The following DCAF1 variants were observed in gnomAD, a reference collection of about 807,000 sequenced individuals.
DCAF1 encodes DDB1- and CUL4-associated factor 1.
DCAF1 carries 15 observed loss-of-function variants against 128.0 expected under a neutral mutation model. That is an observed-to-expected ratio of 0.12 (90% CI 0.08 to 0.18). The LOEUF (loss-of-function observed/expected upper bound fraction) is 0.18. Among genes scored for constraint, DCAF1 ranks in the 10% least tolerant of loss-of-function variants. The probability of loss-of-function intolerance (pLI) is 1.00; values close to 1 mark genes in which losing one functional copy is unlikely to be tolerated. For synonymous variants in DCAF1, 610 were observed against 603.0 expected (o/e 1.01, Z -0.17); for missense variants, 988 against 1,649.5 (o/e 0.60, Z 6.95).
chr3:51,418,350 GC>G (rs1422478023), intron 16 of DCAF1, among the ~76,000 whole-genome samples, 152 bp from the exon 17 acceptor site: 1 of 152,206 alleles, frequency 6.6e-6, no homozygotes, highest in Non-Finnish European at 1.5e-5. Context: ...ATGGTCAGAA[GC>G]CACTAGGATT....
chr3:51,476,236 C>T (rs1274768248), intron 3 of DCAF1, among the ~76,000 whole-genome samples: 4 of 150,208 alleles, frequency 2.7e-5, no homozygotes, highest in African/African-American at 7.4e-5. Flanking sequence ...TAGTAAAATA[C>T]GAAAATTAGC....
chr3:51,434,617 T>A (rs1443171939), intron 9 of DCAF1, among the ~76,000 whole-genome samples: 1 of 152,218 alleles, frequency 6.6e-6, no homozygotes, highest in Non-Finnish European at 1.5e-5. Context: ...CAGTGAGTCA[T>A]CAACTAATGA....
intron 1 of DCAF1, among the ~76,000 whole-genome samples, chr3:51,498,134 G>T (rs1446993732): frequency 6.7e-6 from 1 of 148,594 alleles, no homozygotes; most frequent in East Asian, 2.0e-4. Context: ...GGCCGAGGTG[G>T]GCAGATCACG....
chr3:51,460,452 G>T (rs1283768678), intron 6 of DCAF1, among the ~76,000 whole-genome samples: 9 of 152,144 alleles, frequency 5.9e-5, no homozygotes, highest in African/African-American at 2.2e-4. Context: ...TCATGGGTAG[G>T]AAGAATCAGT....
chr3:51,461,567 T>C (rs1703575988), intron 6 of DCAF1, among the ~76,000 whole-genome samples: 1 of 152,120 alleles, frequency 6.6e-6, no homozygotes, highest in African/African-American at 2.4e-5. Context: ...ACTGGGTATA[T>C]ACCCAAAGGA....
At chr3:51,500,125 A>AGG (rs1708713284), upstream of DCAF1, 2 of 119,348 alleles carry the variant, frequency 1.7e-5, no homozygotes, top group African/African-American at 6.0e-5. Flanking sequence ...GGAAAAAAAA[A>AGG]AAAAAAAAAA....
intron 9 of DCAF1, among the ~76,000 whole-genome samples, chr3:51,436,974 AAG>A (rs1322102008): frequency 2.0e-5 from 3 of 152,228 alleles, no homozygotes; most frequent in Non-Finnish European, 4.4e-5. Context: ...TTTTAAAAAA[AAG>A]AGAGAGACAG....
At chr3:51,401,145 A>G (rs1273404913) in intron 24 of DCAF1, among the ~76,000 whole-genome samples, 1 of 151,796 alleles carries the variant, frequency 6.6e-6, no homozygotes, top group African/African-American at 2.4e-5. Context: ...AAAAAAAAAA[A>G]AAAAAAAAGA....
intron 6 of DCAF1, among the ~76,000 whole-genome samples, chr3:51,447,548 A>G (rs983356351): frequency 6.6e-6 from 1 of 152,236 alleles, no homozygotes; most frequent in African/African-American, 2.4e-5. Context: ...TCCAAACAGT[A>G]TAAGAAACTT....
chr3:51,482,873 ACAC>A (rs1287594397), intron 3 of DCAF1, among the ~76,000 whole-genome samples: 3 of 150,026 alleles, frequency 2.0e-5, no homozygotes, highest in Admixed American at 6.7e-5. Flanking sequence ...ATGGTGGCTC[ACAC>A]CTGTAATCCC....
At position 51,418,184 on chromosome 3, in the gene DCAF1, C is replaced by T. The variant is rs1553631066; in HGVS notation, c.3450G>A (p.Leu1150=). 4 of 1,611,440 alleles carry T rather than the reference C, an allele frequency of 2.5e-6. No homozygotes were observed. Among genetic ancestry groups the T allele is most frequent in the South Asian group, 1.1e-5 (1 of 90,328 alleles). ...GCTGGCTCCAAGTAGCAGATGTCAG[C>T]AGCAAGGACCCATCCTAAAAGAAAA... ...HLEPSRDGSL[L]LTSATWSQPL... Residue 1150 remains leucine, a synonymous_variant, in exon 17 of 25, where the codon CTG becomes CTA. Transcript: ENST00000684031.
Position 51,413,011 on chromosome 3 carries a change from G to C in DCAF1, c.4092C>G (p.Cys1364Trp). Residue 1364 changes from cysteine to tryptophan, a missense_variant, in exon 22 of 25, where the codon TGC becomes TGG. Cys to Trp is a radical substitution (Grantham distance 215). Coordinates refer to ENST00000684031, the MANE Select transcript of DCAF1 (RefSeq NM_001387579.1). ...CCTTTACCTCAATGACAGCAAGATAGCAGTCTTTGGTGTCTGTACACAGGT... is the reference window on the plus strand; with the variant it reads ...CCTTTACCTCAATGACAGCAAGATACCAGTCTTTGGTGTCTGTACACAGGT... ...IFDLCTDTKD[C>W]YLAVIENQGS... 1 of 1,613,952 alleles carries C rather than the reference G, an allele frequency of 6.2e-7. No homozygotes were observed. Among genetic ancestry groups the C allele is most frequent in the East Asian group, 2.2e-5 (1 of 44,880 alleles).
At chr3:51,474,523 C>T (rs1296704794) in intron 3 of DCAF1, among the ~76,000 whole-genome samples, 1 of 152,062 alleles carries the variant, frequency 6.6e-6, no homozygotes, top group South Asian at 2.1e-4. Flanking sequence ...CTTCCTTTCC[C>T]TCTAAACTCT....
chr3:51,435,476 T>G (rs1029349939), intron 9 of DCAF1, among the ~76,000 whole-genome samples: 28 of 152,206 alleles, frequency 1.8e-4, no homozygotes, highest in African/African-American at 6.8e-4. Flanking sequence ...GCAAATTTCC[T>G]CATTTCTATT....
chr3:51,494,185 G>A (rs1707983765), intron 2 of DCAF1, among the ~76,000 whole-genome samples: 1 of 147,918 alleles, frequency 6.8e-6, no homozygotes, highest in Admixed American at 6.8e-5. Flanking sequence ...CAGGATCTCG[G>A]CTCACTGCAA....
At chr3:51,463,689 G>C (rs1472338687) in intron 5 of DCAF1, among the ~76,000 whole-genome samples, 1 of 151,928 alleles carries the variant, frequency 6.6e-6, no homozygotes, top group Admixed American at 6.6e-5. Flanking sequence ...AGGCTGAGGT[G>C]GGAGGATGCC....
intron 13 of DCAF1, among the ~76,000 whole-genome samples, chr3:51,423,255 G>A (rs1699581147): frequency 6.6e-6 from 1 of 152,150 alleles, no homozygotes; most frequent in African/African-American, 2.4e-5. Flanking sequence ...GCTTTGGGAG[G>A]CTGAGGCGGG....
intron 2 of DCAF1, among the ~76,000 whole-genome samples, chr3:51,485,235 G>A (rs1706794763): frequency 6.6e-6 from 1 of 152,172 alleles, no homozygotes. Flanking sequence ...TTAAAGAGAA[G>A]GCCAAGAAAT....
chr3:51,418,882 CA>C lies in DCAF1; in HGVS notation c.3237-7del, dbSNP rs782082143. 16 of 1,582,844 alleles carry C rather than the reference CA, an allele frequency of 1.0e-5. No homozygotes were observed. The highest frequency in any genetic ancestry group is 3.4e-5 in the South Asian group (3 of 87,056). On this transcript the variant is annotated splice_polypyrimidine_tract_variant and splice_region_variant and intron_variant, in intron 15 of 24. Transcript: ENST00000684031. ...ACACTGAAATAGGACGGAATCTAAG[CA>C]AAAAAAAGAGAGAATCACAGGCAAA...
Sources: gnomAD v4.1 joint callset for allele counts (sites outside exome capture counted in the v4.1 genomes callset) on GRCh38, gnomAD v4.1.1 for gene constraint, MANE v1.5 for transcripts, NCBI Gene and HGNC (gene_info 2026-07-23, HGNC 2026-07-21) for gene names.